The following RSPO2 variants were observed in gnomAD, a reference collection of about 807,000 sequenced individuals.
RSPO2 encodes the protein R-spondin 2.
RSPO2 carries 14 observed loss-of-function variants against 30.9 expected under a neutral mutation model. The ratio of observed to expected loss-of-function variants is 0.45; its 90% CI spans 0.30 to 0.71. RSPO2 has a LOEUF of 0.71. RSPO2 is among the 30% of genes least tolerant of loss of function. The probability of loss-of-function intolerance (pLI) is 0.08; values close to 1 mark genes in which losing one functional copy is unlikely to be tolerated. For synonymous variants in RSPO2, 107 were observed against 96.4 expected (o/e 1.11, Z -0.64); for missense variants, 264 against 301.9 (o/e 0.87, Z 0.93).
chr8:107,903,399 T>TA (rs1811540360), intron 5 of RSPO2, among the ~76,000 whole-genome samples: 1 of 152,138 alleles, frequency 6.6e-6, no homozygotes, highest in African/African-American at 2.4e-5. Context: ...TGTACTACTT[T>TA]CACTAACAGC....
chr8:107,905,536 T>C (rs1811609598), intron 5 of RSPO2, among the ~76,000 whole-genome samples: 1 of 152,078 alleles, frequency 6.6e-6, no homozygotes, highest in Admixed American at 6.6e-5. Flanking sequence ...TGTAATGCTC[T>C]AACTTGAAAC....
chr8:107,916,570 G>A (rs905438552), intron 5 of RSPO2, among the ~76,000 whole-genome samples: 1 of 152,156 alleles, frequency 6.6e-6, no homozygotes, highest in African/African-American at 2.4e-5. Context: ...ATTATAAGAA[G>A]GCATGGGAAT....
Position 108,056,727 on chromosome 8 carries a change from C to T in RSPO2, c.94+25818G>A, listed in dbSNP as rs149174689. ...TCAATAAGTGATTATAGTGTATTAACTGGTATTTCTAGTTCCATAAATGAT... is the reference window on the plus strand; with the variant it reads ...TCAATAAGTGATTATAGTGTATTAATTGGTATTTCTAGTTCCATAAATGAT... On this transcript the variant is annotated intron_variant, in intron 2 of 5. Coordinates refer to ENST00000276659, the MANE Select transcript of RSPO2 (RefSeq NM_178565.5). 3.9e-3 allele frequency among the ~76,000 whole-genome samples: 583 copies of T among 150,274 alleles called. 2 individuals are homozygous for T. Among genetic ancestry groups the T allele is most frequent in the Non-Finnish European group, 6.2e-3 (419 of 67,676 alleles).
chr8:108,065,394 A>C (rs1488363257), intron 2 of RSPO2, among the ~76,000 whole-genome samples: 1 of 152,034 alleles, frequency 6.6e-6, no homozygotes, highest in Non-Finnish European at 1.5e-5. Flanking sequence ...CGAGCCACGT[A>C]TTAAATATTG....
chr8:107,983,249 T>G (rs1207599897), intron 3 of RSPO2: 1 of 1,585,510 alleles, frequency 6.3e-7, no homozygotes, highest in East Asian at 2.2e-5. Context: ...TCTGAAGCTA[T>G]GAAGCTGACA....
chr8:108,027,293 T>C (rs970106682), intron 2 of RSPO2, among the ~76,000 whole-genome samples: 6 of 152,248 alleles, frequency 3.9e-5, no homozygotes, highest in Non-Finnish European at 8.8e-5. Context: ...CAAGTAGTTA[T>C]TGAATGAAAG....
chr8:108,009,634 A>G (rs942918295), intron 2 of RSPO2, among the ~76,000 whole-genome samples: 1 of 152,232 alleles, frequency 6.6e-6, no homozygotes, highest in Non-Finnish European at 1.5e-5. Context: ...AGTGGAATTC[A>G]CTGGCTCAAA....
chr8:107,986,780 G>A (rs1449569979), intron 3 of RSPO2, among the ~76,000 whole-genome samples: 1 of 152,090 alleles, frequency 6.6e-6, no homozygotes, highest in African/African-American at 2.4e-5. Context: ...TGCGCTAATA[G>A]TCTGGAATGA....
At chr8:107,912,322 T>C (rs1390737256) in intron 5 of RSPO2, among the ~76,000 whole-genome samples, 2 of 152,124 alleles carry the variant, frequency 1.3e-5, no homozygotes, top group African/African-American at 4.8e-5. Context: ...CTGCATGCAA[T>C]TCTAGAGCAT....
At chr8:107,952,485 A>G (rs1813286508) in intron 5 of RSPO2, among the ~76,000 whole-genome samples, 1 of 152,210 alleles carries the variant, frequency 6.6e-6, no homozygotes. Flanking sequence ...TCTTCTTCAC[A>G]TAAAAATTTT....
intron 5 of RSPO2, among the ~76,000 whole-genome samples, chr8:107,925,391 TTATA>T (rs1586548368): frequency 1.3e-5 from 2 of 151,090 alleles, no homozygotes; most frequent in Non-Finnish European, 3.0e-5. Flanking sequence ...TTTTTTTCTT[TTATA>T]TATATATTTA....
chr8:108,013,151 G>A (rs888096107), intron 2 of RSPO2, among the ~76,000 whole-genome samples: 30 of 150,532 alleles, frequency 2.0e-4, no homozygotes, highest in African/African-American at 7.0e-4. Flanking sequence ...GAGATTATTT[G>A]TATTTTCCAC....
chr8:107,912,007 G>A (rs1279632011), intron 5 of RSPO2, among the ~76,000 whole-genome samples: 1 of 152,014 alleles, frequency 6.6e-6, no homozygotes, highest in Non-Finnish European at 1.5e-5. Context: ...CCTCAAATCA[G>A]TTATTCCCTG....
intron 2 of RSPO2, among the ~76,000 whole-genome samples, chr8:107,999,513 C>A (rs1449835785): frequency 1.3e-5 from 2 of 152,290 alleles, no homozygotes; most frequent in Admixed American, 1.3e-4. Flanking sequence ...TGGCTCACTG[C>A]AACCTCCACC....
At chr8:107,940,306 T>C (rs1300740813) in intron 5 of RSPO2, among the ~76,000 whole-genome samples, 2 of 67,528 alleles carry the variant, frequency 3.0e-5, no homozygotes, top group African/African-American at 9.5e-5. Context: ...AAGTTAAGTA[T>C]GTGTGTTTTA....
chr8:108,026,311 T>G (rs1055427454), intron 2 of RSPO2, among the ~76,000 whole-genome samples: 5 of 152,220 alleles, frequency 3.3e-5, no homozygotes, highest in African/African-American at 7.2e-5. Flanking sequence ...ATGCAATATA[T>G]GACCTGGAAT....
At chr8:108,015,112 A>G (rs1281434507) in intron 2 of RSPO2, among the ~76,000 whole-genome samples, 1 of 152,216 alleles carries the variant, frequency 6.6e-6, no homozygotes, top group African/African-American at 2.4e-5. Flanking sequence ...TTTCTTGGCC[A>G]TAATAGAAGC....
intron 5 of RSPO2, among the ~76,000 whole-genome samples, chr8:107,947,543 C>T (rs1326726036): frequency 6.6e-6 from 1 of 152,200 alleles, no homozygotes; most frequent in African/African-American, 2.4e-5. Flanking sequence ...AAATCCTCCA[C>T]TCTTTAGAAA....
intron 3 of RSPO2, among the ~76,000 whole-genome samples, chr8:107,977,441 AC>A (rs1814255961): frequency 6.6e-6 from 1 of 152,210 alleles, no homozygotes; most frequent in Non-Finnish European, 1.5e-5. Flanking sequence ...CACTTTGAGA[AC>A]CACTTCATTC....
Sources: allele counts gnomAD v4.1 joint callset (sites outside exome capture counted in the v4.1 genomes callset), GRCh38; gene constraint gnomAD v4.1.1; transcripts MANE v1.5; gene names NCBI Gene and HGNC (gene_info 2026-07-23, HGNC 2026-07-21).